Variants in PCCA observed in about 807,000 individuals in gnomAD.
PCCA encodes the protein propionyl-CoA carboxylase alpha chain, mitochondrial.
A neutral mutation model predicts 101.3 loss-of-function variants in PCCA; 74 were observed. That is an observed-to-expected ratio of 0.73 (90% CI 0.61 to 0.89). The LOEUF is 0.89. Among genes scored for constraint, PCCA ranks in the 40% least tolerant of loss-of-function variants. The pLI is 0.00. For synonymous variants in PCCA, 294 were observed against 313.6 expected (o/e 0.94, Z 0.66); for missense variants, 891 against 907.0 (o/e 0.98, Z 0.23).
intron 6 of PCCA, among the ~76,000 whole-genome samples, chr13:100,185,852 G>T (rs1566659678): frequency 6.6e-6 from 1 of 152,126 alleles, no homozygotes; most frequent in South Asian, 2.1e-4. Flanking sequence ...TCTCCATGTT[G>T]GTGAGGCTCG....
intron 18 of PCCA, among the ~76,000 whole-genome samples, chr13:100,349,580 T>G (rs1281564269): frequency 6.6e-6 from 1 of 152,234 alleles, no homozygotes; most frequent in Non-Finnish European, 1.5e-5. Flanking sequence ...GGTTTCTACT[T>G]TATCCTCATA....
At chr13:100,125,786 T>C (rs2049897491) in intron 4 of PCCA, among the ~76,000 whole-genome samples, 1 of 152,236 alleles carries the variant, frequency 6.6e-6, no homozygotes, top group African/African-American at 2.4e-5. Flanking sequence ...TTTGATTATC[T>C]TTGACTTGGC....
chr13:100,350,939 A>G lies in PCCA; in HGVS notation c.1643+10680A>G, dbSNP rs550391523. 3.9e-5 allele frequency among the ~76,000 whole-genome samples: 6 copies of G among 152,344 alleles called. No homozygotes were observed. In the South Asian group the frequency reaches 1.2e-3, roughly 32 times the overall value. ...ATGTGAAACATTTTAATTTCATATC[A>G]TACAGCTATTCAGCTTACAATCCCT... On this transcript the variant is annotated intron_variant, in intron 18 of 23. Coordinates refer to ENST00000376285, the MANE Select transcript of PCCA (RefSeq NM_000282.4).
chr13:100,221,893 A>G (rs1396426091), intron 7 of PCCA, among the ~76,000 whole-genome samples: 1 of 151,836 alleles, frequency 6.6e-6, no homozygotes, highest in African/African-American at 2.4e-5. Flanking sequence ...ATGAACCACC[A>G]TGTCCAGCTA....
intron 4 of PCCA, among the ~76,000 whole-genome samples, chr13:100,146,972 A>C (rs1014126418): frequency 2.0e-5 from 3 of 151,844 alleles, no homozygotes; most frequent in Non-Finnish European, 2.9e-5. Context: ...GATTACTAGA[A>C]ATACTGGGTA....
chr13:100,268,828 T>TTTCA lies in PCCA; in HGVS notation c.914+67_914+70dup, dbSNP rs113891803. On this transcript the variant is annotated intron_variant, in intron 11 of 23. Coordinates refer to ENST00000376285, the MANE Select transcript of PCCA (RefSeq NM_000282.4). ...TTTATAAAGCGGCTGCTTTTATGCA[T>TTTCA]TTCATTCATTCATTCATTCATTCAT... is the stretch of plus-strand genomic sequence containing the variant. 5,253 of 1,203,862 alleles carry TTTCA rather than the reference T, an allele frequency of 4.4e-3. 179 individuals are homozygous for TTTCA. The African/African-American group carries it at 0.066, about 15-fold the overall frequency. 74.6% of individuals were successfully genotyped at this position (1,203,862 alleles called of 1,614,324 possible).
chr13:100,145,011 A>G (rs919483403), intron 4 of PCCA, among the ~76,000 whole-genome samples: 8 of 152,224 alleles, frequency 5.3e-5, no homozygotes, highest in African/African-American at 1.9e-4. Context: ...CTCAGTGTCC[A>G]TGAGGGAGCA....
chr13:100,199,532 C>T (rs1327280575), intron 6 of PCCA, among the ~76,000 whole-genome samples: 6 of 152,156 alleles, frequency 3.9e-5, no homozygotes, highest in African/African-American at 1.4e-4. Context: ...TTCCCCCATT[C>T]TTGGTGTTTC....
chr13:100,149,467 A>G (rs2053026597), intron 4 of PCCA: 1 of 152,134 alleles, frequency 6.6e-6, no homozygotes, highest in South Asian at 2.1e-4. Flanking sequence ...TCCCCATTCC[A>G]GGCTCGCCAC....
rs1555454057 is a variant in PCCA, at chr13:100,422,070, TTTTCTTTC to T, written c.1747-3519_1747-3512del. Among the ~76,000 whole-genome samples the T allele has an allele frequency of 1.9e-3, 215 of 110,704 alleles. 2 individuals are homozygous for T. The highest frequency in any genetic ancestry group is 2.9e-3 in the Non-Finnish European group (157 of 54,970). The allele number at this position is 110,704 out of a possible 152,430, so 72.6% of individuals were successfully genotyped here. A position where few individuals can be genotyped will look rare whatever the true frequency, so the allele number is the denominator to read the frequency against. ...TCTTTTCCTTTTCTCTTCTCTTTTCTTTTCTTTCTTTCTTTCTTTCTTTCTTTCTTTCT... is the reference window on the plus strand; with the variant it reads ...TCTTTTCCTTTTCTCTTCTCTTTTCTTTTCTTTCTTTCTTTCTTTCTTTCT... On this transcript the variant is annotated intron_variant, in intron 19 of 23. Transcript: ENST00000376285.
chr13:100,311,411 T>C (rs1219149629), intron 16 of PCCA, among the ~76,000 whole-genome samples: 3 of 152,168 alleles, frequency 2.0e-5, no homozygotes, highest in Non-Finnish European at 2.9e-5. Flanking sequence ...CACTGGCTTA[T>C]GTTGTTCAAT....
intron 4 of PCCA, among the ~76,000 whole-genome samples, chr13:100,121,743 G>A (rs564272340): frequency 3.2e-4 from 48 of 152,188 alleles, no homozygotes; most frequent in South Asian, 6.2e-4. Flanking sequence ...CAAAGTGCTG[G>A]GATTACAGGC....
At chr13:100,161,855 CAT>C (rs2054512632) in intron 6 of PCCA, among the ~76,000 whole-genome samples, 1 of 152,220 alleles carries the variant, frequency 6.6e-6, no homozygotes, top group South Asian at 2.1e-4. Context: ...ATTTTAATGA[CAT>C]AAATTTTCTT....
At chr13:100,135,208 A>G (rs781231231) in intron 4 of PCCA, among the ~76,000 whole-genome samples, 4 of 151,788 alleles carry the variant, frequency 2.6e-5, no homozygotes, top group Non-Finnish European at 5.9e-5. Context: ...CCTGGGCAAC[A>G]TAGCCAGACC....
rs2073200639 is a variant in PCCA at position 100,350,988 on chromosome 13, C to G, written c.1643+10729C>G. Among the ~76,000 whole-genome samples the G allele has an allele frequency of 2.0e-5, 3 of 152,224 alleles. No homozygotes were observed. The South Asian group carries it at 6.2e-4, about 31-fold the overall frequency. ...CTTTTTTAACCTGTCACCAGGGTAA[C>G]AGCATAGCATGCTTTCTTTAGGCAA... is the stretch of plus-strand genomic sequence containing the variant. On this transcript the variant is annotated intron_variant, in intron 18 of 23. Coordinates refer to ENST00000376285, the MANE Select transcript of PCCA (RefSeq NM_000282.4).
rs567170471 is a variant in PCCA at position 100,385,483 on chromosome 13, A to G, written c.1746+16909A>G. Among the ~76,000 whole-genome samples, 44 of 152,370 alleles carry G rather than the reference A, an allele frequency of 2.9e-4. No individual in the cohort carries two copies. The East Asian group carries it at 8.1e-3, about 28-fold the overall frequency. On this transcript the variant is annotated intron_variant, in intron 19 of 23. Transcript: ENST00000376285. ...AATATTCAGAGACAGTTTACAGCAAAGGACATGTGGCTCCTGCACATATGA... is the reference window on the plus strand; with the variant it reads ...AATATTCAGAGACAGTTTACAGCAAGGGACATGTGGCTCCTGCACATATGA...
At chr13:100,168,966 G>A (rs1357111905) in intron 6 of PCCA, among the ~76,000 whole-genome samples, 1 of 151,844 alleles carries the variant, frequency 6.6e-6, no homozygotes, top group Admixed American at 6.6e-5. Flanking sequence ...TTTTAATTTT[G>A]GCCAAAACTA....
intron 19 of PCCA, among the ~76,000 whole-genome samples, chr13:100,373,291 G>A (rs116491481): frequency 0.013 from 2,048 of 152,218 alleles, 47 homozygotes; most frequent in African/African-American, 0.045. Flanking sequence ...AATAAGTACC[G>A]GTGAGGGTGT....
intron 7 of PCCA, among the ~76,000 whole-genome samples, chr13:100,233,779 AT>A (rs2060626258): frequency 6.6e-6 from 1 of 152,168 alleles, no homozygotes; most frequent in Non-Finnish European, 1.5e-5. Context: ...GAAGAATCTA[AT>A]TTTCATAGTA....
Sources: allele counts gnomAD v4.1 joint callset (sites outside exome capture counted in the v4.1 genomes callset), GRCh38; gene constraint gnomAD v4.1.1; transcripts MANE v1.5; gene names NCBI Gene and HGNC (gene_info 2026-07-23, HGNC 2026-07-21).